Variants in PALM2AKAP2 observed in about 807,000 individuals in gnomAD.
PALM2AKAP2 encodes the protein PALM2 and AKAP2 fusion, also known as PALM2-AKAP2 fusion protein.
In PALM2AKAP2, 37 loss-of-function variants were observed where a neutral mutation model predicts 71.5. That is an observed-to-expected ratio of 0.52 (90% CI 0.40 to 0.68). The LOEUF is 0.68. Ranked by LOEUF, PALM2AKAP2 falls within the 30% of genes least tolerant of loss-of-function variation. The pLI is 0.00. For synonymous variants in PALM2AKAP2, 468 were observed against 478.8 expected (o/e 0.98, Z 0.29); for missense variants, 1,224 against 1,191.8 (o/e 1.03, Z -0.40).
chr9:109,841,990 G>A (rs1587951680), intron 1 of PALM2AKAP2, among the ~76,000 whole-genome samples: 1 of 150,506 alleles, frequency 6.6e-6, no homozygotes, highest in South Asian at 2.1e-4. Context: ...TGGAGGGATA[G>A]AGGGGAGGTG....
intron 1 of PALM2AKAP2, among the ~76,000 whole-genome samples, chr9:109,720,139 C>A (rs1004154399): frequency 2.0e-5 from 3 of 152,204 alleles, no homozygotes; most frequent in African/African-American, 7.2e-5. Context: ...CGGGCACATG[C>A]TACTGCGCCC....
intron 1 of PALM2AKAP2, among the ~76,000 whole-genome samples, chr9:110,088,964 C>T (rs1281479863): frequency 1.3e-5 from 2 of 152,068 alleles, no homozygotes; most frequent in Non-Finnish European, 2.9e-5. Flanking sequence ...AGGTGATCCA[C>T]CTGCGTTGGC....
At chr9:109,844,081 A>G (rs1036221752) in intron 1 of PALM2AKAP2, among the ~76,000 whole-genome samples, 2 of 152,222 alleles carry the variant, frequency 1.3e-5, no homozygotes, top group African/African-American at 4.8e-5. Flanking sequence ...TCCTCTTGCA[A>G]ATCAGAGCTG....
chr9:110,169,661 T>C (rs1372614545), exon 4 of PALM2AKAP2: 2 of 152,418 alleles, frequency 1.3e-5, no homozygotes, highest in African/African-American at 4.8e-5. Context: ...GAGCAACCAG[T>C]GTGTTTCAGG....
At chr9:109,989,006 A>G (rs1454169445) in intron 6 of PALM2AKAP2, among the ~76,000 whole-genome samples, 2 of 152,166 alleles carry the variant, frequency 1.3e-5, no homozygotes, top group African/African-American at 4.8e-5. Flanking sequence ...GCCTTCTGCC[A>G]TGATTGTGGG....
At chr9:110,032,737 AATAAAAT>A (rs1833307338) in intron 7 of PALM2AKAP2, among the ~76,000 whole-genome samples, 10 of 145,574 alleles carry the variant, frequency 6.9e-5, no homozygotes, top group Admixed American at 1.4e-4. Context: ...TAAATAAATA[AATAAAAT>A]AAAAAATAAA....
intron 1 of PALM2AKAP2, among the ~76,000 whole-genome samples, chr9:110,127,342 G>A (rs1835630890): frequency 6.6e-6 from 1 of 152,186 alleles, no homozygotes. Flanking sequence ...TGCCCCAGGA[G>A]TGCTTGAGGT....
chr9:109,702,739 T>C (rs1279482257), intron 1 of PALM2AKAP2, among the ~76,000 whole-genome samples: 1 of 144,188 alleles, frequency 6.9e-6, no homozygotes, highest in African/African-American at 2.6e-5. Flanking sequence ...CCCTAAAACT[T>C]AAGGTATAAT....
intron 3 of PALM2AKAP2, among the ~76,000 whole-genome samples, chr9:109,888,489 A>T (rs1009107687): frequency 6.6e-6 from 1 of 152,004 alleles, no homozygotes; most frequent in Non-Finnish European, 1.5e-5. Flanking sequence ...CAGATGGATC[A>T]CCTGAGGTCA....
intron 1 of PALM2AKAP2, among the ~76,000 whole-genome samples, chr9:109,748,161 TG>T (rs920574118): frequency 1.3e-5 from 2 of 152,176 alleles, no homozygotes; most frequent in Non-Finnish European, 1.5e-5. Context: ...GAAGTAGAGT[TG>T]TGTTTTCTTT....
At chr9:109,660,351 C>T (rs979679002) in intron 1 of PALM2AKAP2, among the ~76,000 whole-genome samples, 1 of 152,130 alleles carries the variant, frequency 6.6e-6, no homozygotes, top group Non-Finnish European at 1.5e-5. Context: ...CCCCAACCCC[C>T]CCAACTCCCG....
chr9:109,904,043 A>C, intron 3 of PALM2AKAP2, among the ~76,000 whole-genome samples: 1 of 152,204 alleles, frequency 6.6e-6, no homozygotes, highest in East Asian at 1.9e-4. Context: ...TTATCTTATA[A>C]ATGCTGTATT....
At chr9:109,904,005 T>C (rs1213111013) in intron 3 of PALM2AKAP2, among the ~76,000 whole-genome samples, 1 of 152,252 alleles carries the variant, frequency 6.6e-6, no homozygotes, top group African/African-American at 2.4e-5. Flanking sequence ...TGAATTTGAA[T>C]TTATTCTATT....
intron 1 of PALM2AKAP2, among the ~76,000 whole-genome samples, chr9:109,765,161 A>C (rs542226201): frequency 1.3e-5 from 2 of 152,324 alleles, no homozygotes; most frequent in African/African-American, 4.8e-5. Flanking sequence ...CTGGTCCATA[A>C]GTTTAAAATG....
At chr9:109,709,628 G>C (rs1828196824) in intron 1 of PALM2AKAP2, among the ~76,000 whole-genome samples, 1 of 152,188 alleles carries the variant, frequency 6.6e-6, no homozygotes, top group South Asian at 2.1e-4. Flanking sequence ...AGGAGCTGAG[G>C]AGGCTGTCAG....
intron 6 of PALM2AKAP2, chr9:109,946,561 C>T (rs7859308): frequency 0.072 from 10,835 of 151,378 alleles, 559 homozygotes; most frequent in East Asian, 0.26. Flanking sequence ...GGCGTGATGG[C>T]GCATGCCTGT....
At chr9:109,816,836 A>C (rs751531472) in intron 1 of PALM2AKAP2, among the ~76,000 whole-genome samples, 1 of 152,180 alleles carries the variant, frequency 6.6e-6, no homozygotes, top group Non-Finnish European at 1.5e-5. Flanking sequence ...AAATGACATG[A>C]AGGAGAAAGA....
chr9:109,677,760 CT>C (rs1246900951), intron 1 of PALM2AKAP2, among the ~76,000 whole-genome samples: 36 of 152,194 alleles, frequency 2.4e-4, no homozygotes, highest in African/African-American at 8.2e-4. Flanking sequence ...CCTCAAGCCC[CT>C]AACTTCAGCC....
chr9:110,079,029 T>G (rs180678752), intron 1 of PALM2AKAP2, among the ~76,000 whole-genome samples: 138 of 152,346 alleles, frequency 9.1e-4, no homozygotes, highest in Non-Finnish European at 2.8e-4. Context: ...TAAGGATGTT[T>G]TCTTTTAAAA....
Sources: allele counts gnomAD v4.1 joint callset (sites outside exome capture counted in the v4.1 genomes callset), GRCh38; gene constraint gnomAD v4.1.1; transcripts MANE v1.5; gene names NCBI Gene and HGNC (gene_info 2026-07-23, HGNC 2026-07-21).